Variants in PRDM6 observed in about 807,000 individuals in gnomAD.
PRDM6 encodes putative histone-lysine N-methyltransferase PRDM6.
Under a neutral mutation model 60.8 loss-of-function variants are expected in PRDM6, and 25 were observed. That is an observed-to-expected ratio of 0.41 (90% confidence interval 0.30 to 0.57). The LOEUF is 0.57. Ranked by LOEUF, PRDM6 falls within the 20% of genes least tolerant of loss-of-function variation. PRDM6 has a pLI of 0.27. For missense variants in PRDM6, 839 were observed against 821.3 expected (o/e 1.02, Z -0.26); for synonymous variants, 407 against 357.4 (o/e 1.14, Z -1.57).
At chr5:123,153,718 A>G (rs1053170464) in intron 3 of PRDM6, among the ~76,000 whole-genome samples, 9 of 152,214 alleles carry the variant, frequency 5.9e-5, no homozygotes, top group African/African-American at 1.9e-4. Context: ...CTGCTGAAAC[A>G]AGAGTGTAGG....
intron 6 of PRDM6, among the ~76,000 whole-genome samples, chr5:123,173,235 G>A (rs1341627164): frequency 6.6e-6 from 1 of 151,722 alleles, no homozygotes; most frequent in African/African-American, 2.4e-5. Context: ...TGTCTGTCCT[G>A]TAAAATAATA....
intron 3 of PRDM6, among the ~76,000 whole-genome samples, chr5:123,117,038 A>C (rs1370664622): frequency 6.6e-6 from 1 of 152,166 alleles, no homozygotes; most frequent in Admixed American, 6.5e-5. Context: ...CTCTGCAGCC[A>C]CTAAGTTCTA....
intron 3 of PRDM6, among the ~76,000 whole-genome samples, chr5:123,140,634 AC>A (rs1241527184): frequency 1.4e-4 from 21 of 152,292 alleles, no homozygotes; most frequent in African/African-American, 3.6e-4. Flanking sequence ...TTACAGAAAA[AC>A]AAATTCTTAC....
rs141978209 is a variant in PRDM6 at position 123,097,670 on chromosome 5, G to A, written c.593-1984G>A. Among the ~76,000 whole-genome samples the A allele has an allele frequency of 4.6e-5, 7 of 152,296 alleles. No individual in the cohort carries two copies. The East Asian group carries it at 7.7e-4, about 17-fold the overall frequency. On this transcript the variant is annotated intron_variant, in intron 2 of 7. Transcript: ENST00000407847. Reference sequence around the variant, plus strand: ...AAGCTTGAGAGGGTGTGTGAAGTGTGTGTGTTTCAGAGGAGTTGACATATG... The same window carrying A: ...AAGCTTGAGAGGGTGTGTGAAGTGTATGTGTTTCAGAGGAGTTGACATATG...
At chr5:123,183,713 T>C (rs1046464137) in intron 7 of PRDM6, among the ~76,000 whole-genome samples, 2 of 152,184 alleles carry the variant, frequency 1.3e-5, no homozygotes, top group African/African-American at 4.8e-5. Flanking sequence ...TTAACAGCAA[T>C]GGCCAAGCAT....
chr5:123,186,944 A>G, intron 7 of PRDM6, 143 bp from the exon 8 acceptor site: 1 of 614,636 alleles, frequency 1.6e-6, no homozygotes, highest in Admixed American at 2.7e-5. Context: ...CAGGCCTTGG[A>G]AGGAGCCACC....
At chr5:123,166,628 G>A (rs949305764) in intron 5 of PRDM6, among the ~76,000 whole-genome samples, 1 of 152,208 alleles carries the variant, frequency 6.6e-6, no homozygotes, top group African/African-American at 2.4e-5. Context: ...GTGCCAGAGG[G>A]CAGTGACTTT....
In PRDM6 at chr5:123,179,016, TAATTATCTGAACAAA is replaced by T. The variant is rs571249426; in HGVS notation, c.1497-1126_1497-1112del. Among the ~76,000 whole-genome samples the T allele has an allele frequency of 2.6e-5, 4 of 152,294 alleles. No homozygotes were observed. The East Asian group carries it at 7.7e-4, about 29-fold the overall frequency. ...GTTAATATCCCTCACGACAGATTAT[TAATTATCTGAACAAA>T]AATTTTGATAAACAAATTAGAATCC... is the stretch of plus-strand genomic sequence containing the variant. On this transcript the variant is annotated intron_variant, in intron 6 of 7. Coordinates refer to ENST00000407847, the MANE Select transcript of PRDM6 (RefSeq NM_001136239.4).
At chr5:123,114,272 A>T (rs566697600) in intron 3 of PRDM6, among the ~76,000 whole-genome samples, 1 of 152,344 alleles carries the variant, frequency 6.6e-6, no homozygotes, top group South Asian at 2.1e-4. Context: ...CATGCAAACT[A>T]ATAGAAGCAC....
chr5:123,160,127 G>T (rs565653729), intron 5 of PRDM6, among the ~76,000 whole-genome samples: 29 of 152,334 alleles, frequency 1.9e-4, no homozygotes, highest in Admixed American at 6.5e-4. Context: ...TCATTTGCAT[G>T]AGAAATAATA....
chr5:123,167,021 C>T (rs1047392802), intron 5 of PRDM6, among the ~76,000 whole-genome samples: 2 of 152,112 alleles, frequency 1.3e-5, no homozygotes, highest in African/African-American at 4.8e-5. Context: ...AATTTCCTGT[C>T]CTTTTTCTGA....
At chr5:123,186,165 G>A (rs1766284821) in intron 7 of PRDM6, among the ~76,000 whole-genome samples, 1 of 152,118 alleles carries the variant, frequency 6.6e-6, no homozygotes, top group African/African-American at 2.4e-5. Context: ...GTTCATCTGT[G>A]GGTGTGTGTA....
intron 2 of PRDM6, among the ~76,000 whole-genome samples, chr5:123,096,966 C>T (rs1399946955): frequency 6.6e-6 from 1 of 152,098 alleles, no homozygotes; most frequent in Non-Finnish European, 1.5e-5. Flanking sequence ...TTGACTGTCT[C>T]TGGCACAGGC....
chr5:123,096,769 G>A (rs767530720), intron 2 of PRDM6, among the ~76,000 whole-genome samples: 23 of 152,176 alleles, frequency 1.5e-4, no homozygotes, highest in Non-Finnish European at 3.2e-4. Flanking sequence ...TCTTTATGGA[G>A]ACAAATGAAA....
chr5:123,127,097 G>C (rs1323377604), intron 3 of PRDM6, among the ~76,000 whole-genome samples: 1 of 151,820 alleles, frequency 6.6e-6, no homozygotes, highest in East Asian at 1.9e-4. Context: ...GAGTGCAGTG[G>C]TGTGATCTTT....
intron 3 of PRDM6, among the ~76,000 whole-genome samples, chr5:123,122,585 C>T (rs1000972796): frequency 6.6e-6 from 1 of 152,084 alleles, no homozygotes. Context: ...ACTTAAATCC[C>T]TCAATGTGTT....
chr5:123,169,014 G>A (rs763249921), intron 5 of PRDM6, among the ~76,000 whole-genome samples: 140 of 152,242 alleles, frequency 9.2e-4, no homozygotes, highest in Non-Finnish European at 1.8e-4. Context: ...AGCATGAGGA[G>A]TGCTCCCAGG....
chr5:123,165,136 A>G (rs1008830813), intron 5 of PRDM6, among the ~76,000 whole-genome samples: 2 of 152,082 alleles, frequency 1.3e-5, no homozygotes, highest in East Asian at 3.8e-4. Flanking sequence ...GTACTCCCAG[A>G]TTTCCATTTT....
At chr5:123,122,011 A>G (rs1764591791) in intron 3 of PRDM6, among the ~76,000 whole-genome samples, 1 of 151,686 alleles carries the variant, frequency 6.6e-6, no homozygotes, top group South Asian at 2.1e-4. Flanking sequence ...AAAATAGGAA[A>G]CATTAGCTGG....
Sources: allele counts gnomAD v4.1 joint callset (sites outside exome capture counted in the v4.1 genomes callset), GRCh38; gene constraint gnomAD v4.1.1; transcripts MANE v1.5; gene names NCBI Gene and HGNC (gene_info 2026-07-23, HGNC 2026-07-21).